The following TTC29 variants were observed in gnomAD, a reference collection of about 807,000 sequenced individuals.
TTC29 encodes the protein tetratricopeptide repeat domain 29.
Under a neutral mutation model 58.1 loss-of-function variants are expected in TTC29, and 49 were observed. That is an observed-to-expected ratio of 0.84 (90% CI 0.67 to 1.07). The LOEUF (loss-of-function observed/expected upper bound fraction) is 1.07. Ranked by LOEUF, TTC29 falls within the 50% of genes least tolerant of loss-of-function variation. The pLI, the probability that TTC29 is intolerant of heterozygous loss-of-function variation, is 0.00. For synonymous variants in TTC29, 209 were observed against 196.8 expected (o/e 1.06, Z -0.52); for missense variants, 582 against 555.6 (o/e 1.05, Z -0.48).
rs919182416 is a variant in TTC29 at position 146,942,693 on chromosome 4, T to C, written c.-7+2338A>G. ...CCCACACCAGTGTAGCCCTAGTAAA[T>C]TTAAAAAGGGAGAGAAGAAAACAAC... On this transcript the variant is annotated intron_variant, in intron 2 of 12. Transcript: ENST00000325106. 13 of 1,410,678 alleles carry C rather than the reference T, an allele frequency of 9.2e-6. No homozygotes were observed. The East Asian group carries it at 3.3e-4, about 36-fold the overall frequency. 87.4% of individuals were successfully genotyped at this position (1,410,678 alleles called of 1,614,324 possible). A position where few individuals can be genotyped will look rare whatever the true frequency, so the allele number is the denominator to read the frequency against.
At chr4:146,749,746 A>G (rs1579586743) in intron 11 of TTC29, among the ~76,000 whole-genome samples, 1 of 152,304 alleles carries the variant, frequency 6.6e-6, no homozygotes, top group East Asian at 1.9e-4. Context: ...GCACATTATA[A>G]TCAAACTGAC....
At chr4:146,936,354 TTTTAA>T (rs1389191268) in intron 4 of TTC29, among the ~76,000 whole-genome samples, 2 of 152,170 alleles carry the variant, frequency 1.3e-5, no homozygotes, top group African/African-American at 4.8e-5. Flanking sequence ...CATGTTTAGT[TTTTAA>T]TTTAATTCCA....
intron 4 of TTC29, among the ~76,000 whole-genome samples, chr4:146,935,197 C>A (rs1735690066): frequency 6.6e-6 from 1 of 152,006 alleles, no homozygotes; most frequent in Non-Finnish European, 1.5e-5. Context: ...ACAGTAGGAA[C>A]TCTCCACCCA....
intron 6 of TTC29, among the ~76,000 whole-genome samples, chr4:146,876,570 T>C (rs1731269287): frequency 6.6e-6 from 1 of 152,166 alleles, no homozygotes; most frequent in Non-Finnish European, 1.5e-5. Flanking sequence ...AGAATGCACA[T>C]AGAAATAAGA....
intron 8 of TTC29, among the ~76,000 whole-genome samples, chr4:146,860,998 A>G (rs1030105577): frequency 6.6e-6 from 1 of 152,168 alleles, no homozygotes; most frequent in Non-Finnish European, 1.5e-5. Context: ...ATGAAATATC[A>G]ATCTGTTGAA....
At chr4:146,801,728 G>A (rs375509848) in intron 11 of TTC29, among the ~76,000 whole-genome samples, 18 of 152,128 alleles carry the variant, frequency 1.2e-4, no homozygotes, top group African/African-American at 4.3e-4. Context: ...TGTAATCCCA[G>A]CAGTTTGGGA....
intron 6 of TTC29, among the ~76,000 whole-genome samples, chr4:146,889,724 A>G (rs969497146): frequency 6.6e-6 from 1 of 152,168 alleles, no homozygotes; most frequent in Non-Finnish European, 1.5e-5. Flanking sequence ...TGACATCTTT[A>G]TGTTAAATAT....
At chr4:146,935,235 T>C (rs897737995) in intron 4 of TTC29, among the ~76,000 whole-genome samples, 1 of 151,998 alleles carries the variant, frequency 6.6e-6, no homozygotes, top group Admixed American at 6.6e-5. Flanking sequence ...TCACAGCATG[T>C]GAGTTTAGGT....
intron 3 of TTC29, among the ~76,000 whole-genome samples, chr4:146,938,387 T>C (rs1736046340): frequency 6.6e-6 from 1 of 152,184 alleles, no homozygotes; most frequent in Non-Finnish European, 1.5e-5. Flanking sequence ...AAAAATATTT[T>C]TCTTCAATAA....
chr4:146,871,156 C>T (rs185124199), intron 7 of TTC29, among the ~76,000 whole-genome samples: 9 of 151,856 alleles, frequency 5.9e-5, no homozygotes, highest in Admixed American at 5.3e-4. Flanking sequence ...GGAATTTAGC[C>T]CAGCGATGCA....
intron 11 of TTC29, among the ~76,000 whole-genome samples, chr4:146,771,835 G>A (rs547462635): frequency 3.9e-5 from 6 of 151,974 alleles, no homozygotes; most frequent in Admixed American, 1.3e-4. Context: ...CCTGCCTTCC[G>A]CAATGGCTGA....
At chr4:146,800,656 G>A (rs894721305) in intron 11 of TTC29, among the ~76,000 whole-genome samples, 2 of 152,104 alleles carry the variant, frequency 1.3e-5, no homozygotes, top group African/African-American at 4.8e-5. Flanking sequence ...AAGAAGGGGG[G>A]ATACTACACA....
intron 9 of TTC29, among the ~76,000 whole-genome samples, chr4:146,823,777 T>C (rs1268623852): frequency 6.6e-6 from 1 of 152,192 alleles, no homozygotes; most frequent in Non-Finnish European, 1.5e-5. Context: ...CTTATTTCCT[T>C]CAGTAGTGGT....
chr4:146,842,352 C>T (rs927451811), intron 8 of TTC29, among the ~76,000 whole-genome samples: 3 of 152,066 alleles, frequency 2.0e-5, no homozygotes, highest in African/African-American at 4.8e-5. Flanking sequence ...GTGCTTTGTG[C>T]GACAGCAAAA....
chr4:146,930,084 C>CATATATATATATATAT lies in TTC29; in HGVS notation c.176+7494_176+7509dup, dbSNP rs70958534. The stretch of plus-strand genomic sequence containing the variant: ...CTACATATATTTGTATGTGTGTGTG[C>CATATATATATATATAT]ATATATATATATATATATATATATA... On this transcript the variant is annotated intron_variant, in intron 4 of 12. Transcript: ENST00000325106. Among the ~76,000 whole-genome samples the CATATATATATATATAT allele has an allele frequency of 1.4e-3, 111 of 77,414 alleles. 1 individual carries two copies. The highest frequency in any genetic ancestry group is 2.7e-3 in the East Asian group (6 of 2,222). The allele number at this position is 77,414 out of a possible 152,430, so 50.8% of individuals were successfully genotyped here.
At chr4:146,781,525 A>G (rs936945906) in intron 11 of TTC29, among the ~76,000 whole-genome samples, 3 of 151,958 alleles carry the variant, frequency 2.0e-5, no homozygotes, top group African/African-American at 7.2e-5. Context: ...CTTGAAATAT[A>G]CATGACAAAT....
At chr4:146,908,086 T>G (rs989427274) in intron 5 of TTC29, among the ~76,000 whole-genome samples, 2 of 152,140 alleles carry the variant, frequency 1.3e-5, no homozygotes. Context: ...ACTCTTCTAA[T>G]GTTGTTTACA....
intron 11 of TTC29, among the ~76,000 whole-genome samples, chr4:146,740,391 T>C (rs1436784681): frequency 3.9e-5 from 6 of 152,098 alleles, no homozygotes; most frequent in Non-Finnish European, 8.8e-5. Context: ...GCATGGAAAA[T>C]AGATAACAGG....
In TTC29 at chr4:146,903,636, C is replaced by A. The variant is rs764105160; in HGVS notation, c.494G>T (p.Arg165Leu). ...DKWVRNHFYE[R>L]CFKIAQLIKI... is the part of the protein sequence containing the mutation. ...GATCAGCTGAGCAATCTTAAAACAT[C>A]GTTCATAGAAGTGGTTCCTTACCCA... Residue 165 changes from arginine to leucine, a missense_variant, in exon 6 of 13, where the codon CGA becomes CTA. Physicochemically the swap from Arg to Leu is moderately radical, Grantham distance 102 (BLOSUM62 -2). Coordinates refer to ENST00000325106, the MANE Select transcript of TTC29 (RefSeq NM_031956.4). 6.2e-7 allele frequency: 1 copy of A among 1,612,936 alleles called. No individual in the cohort carries two copies. The highest frequency in any genetic ancestry group is 1.7e-5 in the Admixed American group (1 of 59,890).
Sources: gnomAD v4.1 joint callset for allele counts (sites outside exome capture counted in the v4.1 genomes callset) on GRCh38, gnomAD v4.1.1 for gene constraint, MANE v1.5 for transcripts, NCBI Gene and HGNC (gene_info 2026-07-23, HGNC 2026-07-21) for gene names.